The following VSIG8 variants were observed in gnomAD, a reference collection of about 807,000 sequenced individuals.
The protein encoded by VSIG8 is V-set and immunoglobulin domain-containing protein 8.
A neutral mutation model predicts 42.6 loss-of-function variants in VSIG8; 32 were observed. That is an observed-to-expected ratio of 0.75 (90% CI 0.57 to 1.01). The LOEUF (loss-of-function observed/expected upper bound fraction) is 1.01, where lower values mean the gene tolerates loss of function less well. Ranked by LOEUF, VSIG8 falls within the 50% of genes least tolerant of loss-of-function variation. VSIG8 has a pLI of 0.00. For missense variants in VSIG8, 529 were observed against 558.0 expected (o/e 0.95, Z 0.52); for synonymous variants, 290 against 243.8 (o/e 1.19, Z -1.77).
At position 159,854,581 on chromosome 1, in the gene VSIG8, G is replaced by T; in HGVS notation, c.*172C>A. ...CCTCGCCCGCCCCTTCCCACTTTTG[G>T]GGAGGAGGCTCTGCCTCCCTACGCA... On this transcript the variant is annotated 3_prime_UTR_variant, in exon 7 of 7. Transcript: ENST00000368100. The T allele has an allele frequency of 8.1e-7, 1 of 1,238,380 alleles. No homozygotes were observed. The highest frequency in any genetic ancestry group is 1.0e-6 in the Non-Finnish European group (1 of 963,696). 76.7% of individuals were successfully genotyped at this position (1,238,380 alleles called of 1,614,324 possible). A position where few individuals can be genotyped will look rare whatever the true frequency, so the allele number is the denominator to read the frequency against.
intron 2 of VSIG8, 98 bp downstream of exon 2, chr1:159,858,636 G>T: frequency 7.2e-7 from 1 of 1,392,164 alleles, no homozygotes; most frequent in Non-Finnish European, 9.6e-7. Context: ...GGCCTTGGGG[G>T]AGGTTCAAGG....
chr1:159,862,632 T>G lies in VSIG8; in HGVS notation c.-111A>C. The G allele has an allele frequency of 3.8e-6, 4 of 1,054,718 alleles. No homozygotes were observed. The highest frequency in any genetic ancestry group is 5.6e-6 in the Non-Finnish European group (4 of 716,682). The allele number at this position is 1,054,718 out of a possible 1,614,324, so 65.3% of individuals were successfully genotyped here. A position where few individuals can be genotyped will look rare whatever the true frequency, so the allele number is the denominator to read the frequency against. On this transcript the variant is annotated 5_prime_UTR_variant, in exon 1 of 7. Transcript: ENST00000368100. ...GGGAGCTGAGGGCCCAGACACTGCC[T>G]GGGGTGGCAGGAAGGTGCAATGAGT... is the stretch of plus-strand genomic sequence containing the variant.
chr1:159,860,077 G>A (rs777419333), intron 1 of VSIG8, among the ~76,000 whole-genome samples: 22 of 152,118 alleles, frequency 1.4e-4, no homozygotes, highest in Non-Finnish European at 3.1e-4. Context: ...CACACTCTCC[G>A]TCTGCGTTCT....
chr1:159,858,675 G>A (rs1648922433), intron 2 of VSIG8, 59 bp downstream of exon 2: 2 of 1,538,668 alleles, frequency 1.3e-6, no homozygotes, highest in Non-Finnish European at 1.7e-6. Flanking sequence ...GATGTTGGCT[G>A]TCCAACAGGT....
At chr1:159,860,913 C>G (rs1306272391) in intron 1 of VSIG8, 1 of 152,360 alleles carries the variant, frequency 6.6e-6, no homozygotes, top group Non-Finnish European at 1.5e-5. Flanking sequence ...CACCCTGCAC[C>G]AGGCTGAGAG....
In VSIG8 at chr1:159,862,571, C is replaced by T. The variant is rs1038632280; in HGVS notation, c.-50G>A. 2.8e-6 allele frequency: 4 copies of T among 1,449,736 alleles called. No homozygotes were observed. The highest frequency in any genetic ancestry group is 1.4e-5 in the African/African-American group (1 of 70,860). 89.8% of individuals were successfully genotyped at this position (1,449,736 alleles called of 1,614,324 possible). A position where few individuals can be genotyped will look rare whatever the true frequency, so the allele number is the denominator to read the frequency against. On this transcript the variant is annotated 5_prime_UTR_variant, in exon 1 of 7. Transcript: ENST00000368100. ...GTCTGGGCTGGGTATCCCGTGGGGTCGTAGTGGTGGGTGTGAGGGGGTAGG... is the reference window on the plus strand; with the variant it reads ...GTCTGGGCTGGGTATCCCGTGGGGTTGTAGTGGTGGGTGTGAGGGGGTAGG...
intron 4 of VSIG8, among the ~76,000 whole-genome samples, chr1:159,857,311 C>T (rs188869289): frequency 4.6e-5 from 7 of 152,214 alleles, no homozygotes; most frequent in East Asian, 1.9e-4. Context: ...CGGTGGCTCA[C>T]GCCTGTAATC....
intron 1 of VSIG8, chr1:159,861,299 C>T (rs924449868): frequency 1.3e-5 from 2 of 152,058 alleles, no homozygotes; most frequent in African/African-American, 4.8e-5. Context: ...TGCCTACTCT[C>T]TGCTTGCAAA....
At position 159,862,620 on chromosome 1, in the gene VSIG8, C is replaced by T; in HGVS notation, c.-99G>A. ...GGTGGAGGGAGGGGGAGCTGAGGGC[C>T]CAGACACTGCCTGGGGTGGCAGGAA... On this transcript the variant is annotated 5_prime_UTR_variant, in exon 1 of 7. Transcript: ENST00000368100. The T allele has an allele frequency of 8.6e-7, 1 of 1,160,994 alleles. No individual in the cohort carries two copies. The highest frequency in any genetic ancestry group is 1.4e-5 in the South Asian group (1 of 69,486). 71.9% of individuals were successfully genotyped at this position (1,160,994 alleles called of 1,614,324 possible).
rs367555004 is a variant in VSIG8 at position 159,855,014 on chromosome 1, C to T, written c.984G>A (p.Val328=). Residue 328 remains valine, a synonymous_variant, in exon 7 of 7, where the codon GTG becomes GTA. Transcript: ENST00000368100. ...GCCCGCTGGCCTTGCACCCGGGCGC[C>T]ACGGCGTCCTCTCTGTGGAAAACAA... ...DLASEIREDA[V]APGCKASGRG... is the part of the protein sequence containing the mutation. The T allele has an allele frequency of 5.7e-6, 9 of 1,570,030 alleles. No individual in the cohort carries two copies. In the African/African-American group the frequency reaches 1.2e-4, roughly 21 times the overall value.
At position 159,854,924 on chromosome 1, in the gene VSIG8, G is replaced by C; in HGVS notation, c.1074C>G (p.Arg358=). Residue 358 remains arginine (R), a synonymous_variant, in exon 7 of 7, where the codon CGC becomes CGG. Transcript: ENST00000368100. The stretch of plus-strand genomic sequence containing the variant: ...CGCCGCAGGGGGGAGGCGCGTACTT[G>C]CGGCGCAGGGAGCGGCTGACGTTCT... ...PTQNVSRSLR[R]KYAPPPCGGP... is the part of the protein sequence containing the mutation. The C allele has an allele frequency of 2.0e-6, 3 of 1,503,900 alleles. No individual in the cohort carries two copies. The highest frequency in any genetic ancestry group is 2.6e-6 in the Non-Finnish European group (3 of 1,133,984). 93.2% of individuals were successfully genotyped at this position (1,503,900 alleles called of 1,614,324 possible). A position where few individuals can be genotyped will look rare whatever the true frequency, so the allele number is the denominator to read the frequency against.
intron 1 of VSIG8, among the ~76,000 whole-genome samples, chr1:159,860,230 G>A (rs926950080): frequency 6.6e-6 from 1 of 152,140 alleles, no homozygotes; most frequent in Admixed American, 6.5e-5. Flanking sequence ...CAAACAAATC[G>A]GCACGTGGCC....
intron 1 of VSIG8, among the ~76,000 whole-genome samples, chr1:159,859,760 T>A (rs1648964030): frequency 6.6e-6 from 1 of 152,126 alleles, no homozygotes; most frequent in Non-Finnish European, 1.5e-5. Context: ...TGTGTGTGCT[T>A]CCTCTTATGT....
chr1:159,855,504 CTAATA>C (rs1226901368), intron 6 of VSIG8: 1 of 985,026 alleles, frequency 1.0e-6, no homozygotes, highest in Admixed American at 6.2e-5. Context: ...TAGTTTGCTT[CTAATA>C]TAAGTTATTA....
chr1:159,854,949 T>C lies in VSIG8; in HGVS notation c.1049A>G (p.Gln350Arg), dbSNP rs1052474108. The change falls in exon 7 of 7, where the codon CAG (glutamine) becomes CGG (arginine). Residue 350 changes from glutamine (Q) to arginine (R), a missense_variant. Transcript: ENST00000368100. ...GCGGCGCAGGGAGCGGCTGACGTTC[T>C]GCGTCGGGTACCCCAGGAGGTGGGT... ...RVTHLLGYPT[Q>R]NVSRSLRRKY... The C allele has an allele frequency of 1.2e-5, 18 of 1,533,902 alleles. No homozygotes were observed. Among genetic ancestry groups the C allele is most frequent in the East Asian group, 2.5e-5 (1 of 39,312 alleles).
At chr1:159,856,983 C>G (rs1257920194) in intron 4 of VSIG8, among the ~76,000 whole-genome samples, 1 of 152,230 alleles carries the variant, frequency 6.6e-6, no homozygotes, top group African/African-American at 2.4e-5. Context: ...TCTAAGGTCC[C>G]TCCTAGCTCT....
intron 6 of VSIG8, chr1:159,855,332 G>C: frequency 6.7e-7 from 1 of 1,497,174 alleles, no homozygotes; most frequent in Non-Finnish European, 8.9e-7. Context: ...CGCAGGCCCA[G>C]AAGAAGGTGC....
In VSIG8 at chr1:159,854,841, G is replaced by A; in HGVS notation, c.1157C>T (p.Pro386Leu). ...CTTGACCTTGACGTAGACCGGGGAG[G>A]GGCCCGCTTCGCAGGCGGCGGCGGC... ...CTAAAACEAG[P>L]SPVYVKVKSA... The change falls in exon 7 of 7, where the codon CCC (proline) becomes CTC (leucine). Residue 386 changes from proline to leucine, a missense_variant. Physicochemically the swap from Pro to Leu is moderately conservative, Grantham distance 98 (BLOSUM62 -3). Transcript: ENST00000368100. 2.0e-6 allele frequency: 3 copies of A among 1,487,018 alleles called. No homozygotes were observed. The highest frequency in any genetic ancestry group is 2.9e-5 in the African/African-American group (2 of 68,140). The allele number at this position is 1,487,018 out of a possible 1,614,324, so 92.1% of individuals were successfully genotyped here.
Position 159,856,628 on chromosome 1 carries a change from T to A in VSIG8, c.668A>T (p.Asp223Val), listed in dbSNP as rs1648837352. The change falls in exon 5 of 7, where the codon GAC becomes GTC. Residue 223 changes from aspartate (D) to valine (V), a missense_variant. Coordinates refer to ENST00000368100, the MANE Select transcript of VSIG8 (RefSeq NM_001013661.1). Reference sequence around the variant, plus strand: ...TCTGGAGATATCCTTCAACACCAGGTCCCCATTGTTCAGGCCTGAAAGTGA... The same window carrying A: ...TCTGGAGATATCCTTCAACACCAGGACCCCATTGTTCAGGCCTGAAAGTGA... ...SSINQGLNNGDLVLKDISRAD... is the reference protein window; with the variant it reads ...SSINQGLNNGVLVLKDISRAD... 6.2e-7 allele frequency: 1 copy of A among 1,613,926 alleles called. No individual in the cohort carries two copies. Among genetic ancestry groups the A allele is most frequent in the Admixed American group, 1.7e-5 (1 of 59,990 alleles).
Sources: gnomAD v4.1 joint callset for allele counts (sites outside exome capture counted in the v4.1 genomes callset) on GRCh38, gnomAD v4.1.1 for gene constraint, MANE v1.5 for transcripts, NCBI Gene and HGNC (gene_info 2026-07-23, HGNC 2026-07-21) for gene names.